KLF8: variants seen among roughly 807,000 people sequenced by gnomAD.
The protein encoded by KLF8 is KLF transcription factor 8, also known as Krueppel-like factor 8.
KLF8 carries 10 observed loss-of-function variants against 18.2 expected under a neutral mutation model. The ratio of observed to expected loss-of-function variants is 0.55; its 90% CI spans 0.34 to 0.93. The LOEUF (loss-of-function observed/expected upper bound fraction) is 0.93, where lower values mean the gene tolerates loss of function less well. Among genes scored for constraint, KLF8 ranks in the 40% least tolerant of loss-of-function variants. The pLI, the probability that KLF8 is intolerant of heterozygous loss-of-function variation, is 0.02. For synonymous variants in KLF8, 109 were observed against 97.3 expected, an observed-to-expected ratio of 1.12 and a Z score of -0.71; for missense variants, 264 against 277.9, an observed-to-expected ratio of 0.95 and a Z score of 0.36.
chrX:56,116,843 T>C, the KLF8 span, among the ~76,000 whole-genome samples: 1 of 110,067 alleles, frequency 9.1e-6, no homozygotes, highest in Non-Finnish European at 1.9e-5. Flanking sequence ...CACTAGGCAT[T>C]TGAAATGTTC....
At chrX:56,148,485 C>G in the KLF8 span, among the ~76,000 whole-genome samples, 1 of 111,295 alleles carries the variant, frequency 9.0e-6, no homozygotes, top group Non-Finnish European at 1.9e-5. Context: ...ACTCTATGCT[C>G]CCTATGAAGT....
At chrX:56,041,125 T>A in the KLF8 span, among the ~76,000 whole-genome samples, 4 of 109,200 alleles carry the variant, frequency 3.7e-5, no homozygotes, top group African/African-American at 6.6e-5. Flanking sequence ...TATCCTTTTT[T>A]AATTCTTTTC....
At chrX:56,247,174 C>T (rs1186587867) in intron 1 of KLF8, among the ~76,000 whole-genome samples, 1 of 111,942 alleles carries the variant, frequency 8.9e-6, no homozygotes, top group African/African-American at 3.2e-5. Context: ...CTTATTGCTC[C>T]TAGGCTACAA....
chrX:55,933,892 C>T, the KLF8 span, among the ~76,000 whole-genome samples: 1 of 111,956 alleles, frequency 8.9e-6, no homozygotes, highest in African/African-American at 3.2e-5. Flanking sequence ...ACTCGAGTGA[C>T]ATTTACTATA....
At chrX:56,161,672 A>AT in the KLF8 span, among the ~76,000 whole-genome samples, 2 of 110,339 alleles carry the variant, frequency 1.8e-5, no homozygotes, top group Non-Finnish European at 3.8e-5. Flanking sequence ...CATTCGTGTA[A>AT]TTTTTTTTCA....
chrX:55,918,604 C>T, the KLF8 span, among the ~76,000 whole-genome samples: 12 of 112,412 alleles, frequency 1.1e-4, no homozygotes, highest in South Asian at 1.1e-3. Flanking sequence ...CATGCTCCAT[C>T]GAAAACCTCT....
the KLF8 span, among the ~76,000 whole-genome samples, chrX:56,190,897 C>T: frequency 9.0e-6 from 1 of 111,121 alleles, no homozygotes; most frequent in Non-Finnish European, 1.9e-5. Flanking sequence ...TCTAATGATG[C>T]ATCTTAAAGA....
the KLF8 span, among the ~76,000 whole-genome samples, chrX:56,031,085 T>C: frequency 9.0e-6 from 1 of 110,944 alleles, no homozygotes; most frequent in African/African-American, 3.3e-5. Flanking sequence ...TTCTAAGTTT[T>C]CCTGGAGTCA....
At chrX:56,232,261 C>T (rs2066408502), upstream of KLF8, among the ~76,000 whole-genome samples, 1 of 111,737 alleles carries the variant, frequency 8.9e-6, no homozygotes, top group Non-Finnish European at 1.9e-5. Context: ...GAGGCGGCCG[C>T]CGGAGGCGAG....
chrX:56,010,596 A>G, the KLF8 span, among the ~76,000 whole-genome samples: 6 of 111,918 alleles, frequency 5.4e-5, no homozygotes, highest in Non-Finnish European at 1.1e-4. Context: ...TGACCAGATC[A>G]AATTCACACA....
chrX:55,975,083 A>T, the KLF8 span, among the ~76,000 whole-genome samples: 1 of 112,068 alleles, frequency 8.9e-6, no homozygotes, highest in South Asian at 3.7e-4. Context: ...CAAACTGTAA[A>T]ATGTGTTATG....
chrX:56,034,643 A>T, the KLF8 span, among the ~76,000 whole-genome samples: 2 of 109,069 alleles, frequency 1.8e-5, no homozygotes, highest in Non-Finnish European at 3.8e-5. Flanking sequence ...CATTTGTTTG[A>T]GTTGAGAACA....
At chrX:56,276,032 CA>C (rs1285984095) in intron 5 of KLF8, among the ~76,000 whole-genome samples, 1 of 111,597 alleles carries the variant, frequency 9.0e-6, no homozygotes, top group African/African-American at 3.3e-5. Flanking sequence ...TTCTATTTTT[CA>C]AAATAGTTTC....
chrX:55,910,493 G>A, the KLF8 span, among the ~76,000 whole-genome samples: 1 of 111,744 alleles, frequency 8.9e-6, no homozygotes, highest in Non-Finnish European at 1.9e-5. Flanking sequence ...AGGTGTTCTA[G>A]ACAGAGGAAG....
At chrX:56,106,359 G>A in the KLF8 span, among the ~76,000 whole-genome samples, 12 of 112,150 alleles carry the variant, frequency 1.1e-4, no homozygotes, top group South Asian at 3.7e-4. Context: ...ACACCAATCA[G>A]ACGTAGAGTT....
At chrX:56,120,339 A>T in the KLF8 span, among the ~76,000 whole-genome samples, 1 of 111,525 alleles carries the variant, frequency 9.0e-6, no homozygotes, top group Non-Finnish European at 1.9e-5. Context: ...TAATACAGGA[A>T]ATTTTCCCTG....
chrX:55,914,034 C>G, the KLF8 span, among the ~76,000 whole-genome samples: 4 of 111,636 alleles, frequency 3.6e-5, no homozygotes, highest in Non-Finnish European at 7.5e-5. Flanking sequence ...GAAAGCTGAA[C>G]TTAGGAATAA....
the KLF8 span, among the ~76,000 whole-genome samples, chrX:56,069,387 C>T: frequency 8.9e-6 from 1 of 111,776 alleles, no homozygotes; most frequent in Admixed American, 9.4e-5. Flanking sequence ...TCCTGAGAAA[C>T]ACCCACCCTG....
the KLF8 span, among the ~76,000 whole-genome samples, chrX:56,001,404 T>G: frequency 7.2e-5 from 8 of 111,872 alleles, no homozygotes; most frequent in Non-Finnish European, 1.5e-4. Flanking sequence ...CCCTCTTTCT[T>G]TCTGTGGCCA....
Sources: gnomAD v4.1 joint callset for allele counts (sites outside exome capture counted in the v4.1 genomes callset) on GRCh38, gnomAD v4.1.1 for gene constraint, MANE v1.5 for transcripts, NCBI Gene and HGNC (gene_info 2026-07-23, HGNC 2026-07-21) for gene names.